The following CLEC4A variants were observed in gnomAD, a reference collection of about 807,000 sequenced individuals.
CLEC4A encodes C-type (calcium dependent, carbohydrate-recognition domain) lectin, superfamily member 6.
A neutral mutation model predicts 32.7 loss-of-function variants in CLEC4A; 27 were observed. The observed-to-expected ratio is 0.83, with a 90% CI of 0.61 to 1.14. The LOEUF is 1.14. Ranked by LOEUF, CLEC4A falls within the 50% of genes most tolerant of loss-of-function variation. CLEC4A has a pLI of 0.00. For missense variants in CLEC4A, 253 were observed against 274.6 expected (o/e 0.92, Z 0.55); for synonymous variants, 89 against 93.7 (o/e 0.95, Z 0.29).
upstream of CLEC4A, chr12:8,121,216 T>C (rs1718523054): frequency 6.6e-6 from 1 of 152,216 alleles, no homozygotes; most frequent in South Asian, 2.1e-4. Flanking sequence ...AGAGCTATAG[T>C]TTTAGGAATA....
chr12:8,103,376 G>GT, the CLEC4A span, among the ~76,000 whole-genome samples: 245 of 56,514 alleles, frequency 4.3e-3, 50 homozygotes, highest in African/African-American at 6.5e-3. Context: ...TCTTTCTGTT[G>GT]TTTTTTTTTT....
At chr12:8,134,803 C>G in intron 3 of CLEC4A, 1 of 1,551,268 alleles carries the variant, frequency 6.4e-7, no homozygotes, top group South Asian at 1.2e-5. Flanking sequence ...TCACCTCCAC[C>G]GCCTGGAGGG....
intron 3 of CLEC4A, chr12:8,134,156 T>C: frequency 6.2e-7 from 1 of 1,608,246 alleles, no homozygotes; most frequent in Non-Finnish European, 8.5e-7. Flanking sequence ...ACTGGTTCGC[T>C]TTCTCTTTCG....
rs1133104 is a variant in CLEC4A, at chr12:8,138,526, T to G, written c.*239T>G. The G allele has an allele frequency of 0.24, 97,738 of 408,270 alleles. 12,558 individuals carry two copies. The highest frequency in any genetic ancestry group is 0.4 in the Admixed American group (9,503 of 23,592). 25.3% of individuals were successfully genotyped at this position (408,270 alleles called of 1,614,324 possible). On this transcript the variant is annotated 3_prime_UTR_variant, in exon 6 of 6. Transcript: ENST00000229332. Reference sequence around the variant, plus strand: ...ACTGGAGGCCCCCATTGTGCACACATGGAGAGAACATGAGTCTCTCTTAAT... The same window carrying G: ...ACTGGAGGCCCCCATTGTGCACACAGGGAGAGAACATGAGTCTCTCTTAAT...
At chr12:8,121,956 G>A (rs944907160), upstream of CLEC4A, among the ~76,000 whole-genome samples, 2 of 151,760 alleles carry the variant, frequency 1.3e-5, no homozygotes, top group African/African-American at 2.4e-5. Context: ...GTTGGGGTTG[G>A]GACTCAGCAC....
At chr12:8,125,894 A>C (rs971531169) in intron 2 of CLEC4A, among the ~76,000 whole-genome samples, 1 of 152,212 alleles carries the variant, frequency 6.6e-6, no homozygotes, top group East Asian at 1.9e-4. Context: ...ATTTAGAGAA[A>C]CTGAAGCATA....
intron 3 of CLEC4A, 119 bp downstream of exon 3, chr12:8,129,481 T>G (rs1379143524): frequency 4.2e-6 from 3 of 718,810 alleles, no homozygotes; most frequent in African/African-American, 1.8e-5. Context: ...CACAATAATT[T>G]AAGCTACAAA....
chr12:8,122,455 T>C (rs898334723), upstream of CLEC4A, among the ~76,000 whole-genome samples: 14 of 143,488 alleles, frequency 9.8e-5, no homozygotes, highest in African/African-American at 2.6e-4. Context: ...GGGATGTTTG[T>C]TGGGGGATGT....
chr12:8,133,715 C>T, intron 3 of CLEC4A: 4 of 1,584,386 alleles, frequency 2.5e-6, no homozygotes, highest in Non-Finnish European at 3.4e-6. Context: ...ACTCCAGGTG[C>T]TCTTTCCCTA....
intron 2 of CLEC4A, 134 bp downstream of exon 2, chr12:8,125,811 G>A (rs1947892448): frequency 8.1e-6 from 5 of 620,626 alleles, no homozygotes; most frequent in Non-Finnish European, 1.1e-5. Flanking sequence ...CATAATTCAT[G>A]GGAATCCACT....
upstream of CLEC4A, among the ~76,000 whole-genome samples, chr12:8,123,105 G>T (rs1377050518): frequency 6.6e-6 from 1 of 152,112 alleles, no homozygotes; most frequent in Non-Finnish European, 1.5e-5. Context: ...TATATTGGAG[G>T]TGATGTGGCG....
At chr12:8,112,076 C>T in the CLEC4A span, among the ~76,000 whole-genome samples, 1 of 152,064 alleles carries the variant, frequency 6.6e-6, no homozygotes, top group Admixed American at 6.6e-5. Context: ...TCAAGCAATT[C>T]TCCTGCCTCA....
At chr12:8,106,174 C>T in the CLEC4A span, among the ~76,000 whole-genome samples, 6 of 152,044 alleles carry the variant, frequency 3.9e-5, no homozygotes, top group Non-Finnish European at 8.8e-5. Context: ...TTTTTGTCAA[C>T]TTTGTCAAAG....
chr12:8,120,326 C>T (rs73244066), upstream of CLEC4A, among the ~76,000 whole-genome samples: 381 of 152,270 alleles, frequency 2.5e-3, 1 homozygote, highest in African/African-American at 8.3e-3. Context: ...ACCTTCTTAG[C>T]ATAAACTATC....
At chr12:8,131,776 A>G (rs1947999552) in intron 3 of CLEC4A, among the ~76,000 whole-genome samples, 1 of 151,764 alleles carries the variant, frequency 6.6e-6, no homozygotes, top group South Asian at 2.1e-4. Context: ...TTATTTATTT[A>G]TATAATCATT....
At chr12:8,127,079 G>T (rs1306302496) in intron 2 of CLEC4A, among the ~76,000 whole-genome samples, 1 of 152,196 alleles carries the variant, frequency 6.6e-6, no homozygotes, top group Non-Finnish European at 1.5e-5. Context: ...TCATAAATCT[G>T]TGTCTTGGCA....
In CLEC4A at chr12:8,123,935, A is replaced by G. The variant is rs1947859266; in HGVS notation, c.57A>G (p.Ser19=). Residue 19 remains serine, a synonymous_variant, in exon 1 of 6, where the codon TCA becomes TCG. Transcript: ENST00000229332. The stretch of plus-strand genomic sequence containing the variant: ...GGTTCAAAAATGAATTCAAGTCCTC[A>G]GGCATCAACACAGCCTCTTCTGCAG... The part of the protein sequence containing the change: ...EVRFKNEFKS[S]GINTASSAAS... The G allele has an allele frequency of 1.9e-6, 3 of 1,611,890 alleles. No homozygotes were observed. The highest frequency in any genetic ancestry group is 1.6e-4 in the Middle Eastern group (1 of 6,084).
chr12:8,120,154 C>T (rs761211955), upstream of CLEC4A, among the ~76,000 whole-genome samples: 15 of 152,126 alleles, frequency 9.9e-5, no homozygotes, highest in Non-Finnish European at 1.8e-4. Context: ...AGAGTTTTTA[C>T]TGGGGTCCAT....
rs964056124 is a variant in CLEC4A at position 8,133,806 on chromosome 12, C to T, written c.299-1779C>T. ...TGCATGGGAGAGCCCAGAGTGGTGA[C>T]GGAGACAGGGGGAAAGGCTTCCCCC... On this transcript the variant is annotated intron_variant, in intron 3 of 5. Transcript: ENST00000229332. 1.1e-4 allele frequency: 170 copies of T among 1,585,400 alleles called. 1 individual carries two copies. The Middle Eastern group carries it at 1.6e-3, about 15-fold the overall frequency.
Sources: gnomAD v4.1 joint callset for allele counts (sites outside exome capture counted in the v4.1 genomes callset) on GRCh38, gnomAD v4.1.1 for gene constraint, MANE v1.5 for transcripts, NCBI Gene and HGNC (gene_info 2026-07-23, HGNC 2026-07-21) for gene names.